The following PTCD3 variants were observed in gnomAD, a reference collection of about 807,000 sequenced individuals.
The protein encoded by PTCD3 is pentatricopeptide repeat domain 3.
PTCD3 carries 89 observed loss-of-function variants against 101.9 expected under a neutral mutation model. The observed-to-expected ratio is 0.87, with a 90% confidence interval of 0.74 to 1.04. The LOEUF (loss-of-function observed/expected upper bound fraction) is 1.04, where lower values mean the gene tolerates loss of function less well. Among genes scored for constraint, PTCD3 ranks in the 50% least tolerant of loss-of-function variants. The pLI, the probability that PTCD3 is intolerant of heterozygous loss-of-function variation, is 0.00. For synonymous variants in PTCD3, 296 were observed against 278.5 expected, an observed-to-expected ratio of 1.06 and a Z score of -0.63; for missense variants, 870 against 828.2, an observed-to-expected ratio of 1.05 and a Z score of -0.62.
intron 3 of PTCD3, among the ~76,000 whole-genome samples, chr2:86,109,165 G>C (rs1558792420): frequency 6.6e-6 from 1 of 152,182 alleles, no homozygotes; most frequent in Non-Finnish European, 1.5e-5. Context: ...CAGCACTTTG[G>C]GAGGCCGAGG....
At chr2:86,129,760 A>C (rs766530224) in intron 14 of PTCD3, among the ~76,000 whole-genome samples, 3 of 152,188 alleles carry the variant, frequency 2.0e-5, no homozygotes, top group Non-Finnish European at 4.4e-5. Flanking sequence ...TAGCAAAGGG[A>C]AGCATGCTTG....
intron 12 of PTCD3, among the ~76,000 whole-genome samples, chr2:86,126,714 G>A (rs142584433): frequency 2.0e-4 from 30 of 152,004 alleles, no homozygotes; most frequent in African/African-American, 6.8e-4. Flanking sequence ...GTGCTCGCCT[G>A]TAGTCGCAGC....
intron 21 of PTCD3, among the ~76,000 whole-genome samples, chr2:86,136,209 GT>G (rs796150122): frequency 1.3e-5 from 2 of 152,294 alleles, no homozygotes; most frequent in African/African-American, 4.8e-5. Context: ...AGTGTATGGG[GT>G]TTTAGATTTT....
In PTCD3 at chr2:86,141,185, G is replaced by A. The variant is rs749030501; in HGVS notation, c.*3626G>A. On this transcript the variant is annotated 3_prime_UTR_variant, in exon 24 of 24. Transcript: ENST00000254630. ...CTTCAACAAAACTAATAATAGACTA[G>A]TGAAACCTACTCCTCACATGGGTAA... 5 of 152,140 alleles carry A rather than the reference G, an allele frequency of 3.3e-5. No individual in the cohort carries two copies. Among genetic ancestry groups the A allele is most frequent in the Non-Finnish European group, 4.4e-5 (3 of 68,042 alleles). 9.4% of individuals were successfully genotyped at this position (152,140 alleles called of 1,614,324 possible).
At chr2:86,117,415 GTT>G (rs1048429479) in intron 6 of PTCD3, among the ~76,000 whole-genome samples, 1 of 150,076 alleles carries the variant, frequency 6.7e-6, no homozygotes, top group Non-Finnish European at 1.5e-5. Context: ...TATGACTGAA[GTT>G]TCCTTCACTA....
In PTCD3 at chr2:86,134,760, A is replaced by C. The variant is rs548942716; in HGVS notation, c.1630-79A>C. ...TGGTAAAATGCATTGCTCAGATTTT[A>C]AGGATCCTGTGTTAGTCTCCTGAAC... On this transcript the variant is annotated intron_variant, in intron 20 of 23. Coordinates refer to ENST00000254630, the MANE Select transcript of PTCD3 (RefSeq NM_017952.6). The C allele has an allele frequency of 2.1e-3, 3,186 of 1,488,598 alleles. 3 individuals carry two copies. The highest frequency in any genetic ancestry group is 2.7e-3 in the Non-Finnish European group (2,868 of 1,078,310). 92.2% of individuals were successfully genotyped at this position (1,488,598 alleles called of 1,614,324 possible). A position where few individuals can be genotyped will look rare whatever the true frequency, so the allele number is the denominator to read the frequency against.
intron 3 of PTCD3, 124 bp from the exon 4 acceptor site, chr2:86,110,989 C>G (rs765612632): frequency 2.2e-6 from 2 of 895,116 alleles, no homozygotes; most frequent in African/African-American, 3.3e-5. Context: ...GACCTTGTGA[C>G]ATAACCAGCT....
intron 16 of PTCD3, among the ~76,000 whole-genome samples, chr2:86,131,642 T>G (rs1674496467): frequency 6.6e-6 from 1 of 152,242 alleles, no homozygotes; most frequent in Non-Finnish European, 1.5e-5. Context: ...TAAGTTAAAA[T>G]TGATAATGGT....
At chr2:86,125,331 G>T in intron 10 of PTCD3, 124 bp from the exon 11 acceptor site, 1 of 1,147,478 alleles carries the variant, frequency 8.7e-7, no homozygotes, top group South Asian at 1.4e-5. Context: ...ACTAGAGTAT[G>T]AGCTTCATGA....
chr2:86,123,861 A>G, intron 9 of PTCD3, 99 bp downstream of exon 9: 4 of 819,108 alleles, frequency 4.9e-6, no homozygotes, highest in Non-Finnish European at 7.2e-6. Context: ...ATGTTCTAAA[A>G]TAATTGATTT....
chr2:86,126,749 A>G (rs1472652064), intron 12 of PTCD3, among the ~76,000 whole-genome samples: 1 of 151,888 alleles, frequency 6.6e-6, no homozygotes, highest in African/African-American at 2.4e-5. Flanking sequence ...AGGCAGGAGA[A>G]TCACCTCAGC....
intron 11 of PTCD3, 97 bp downstream of exon 11, chr2:86,125,612 T>A: frequency 1.5e-6 from 2 of 1,297,398 alleles, no homozygotes; most frequent in Non-Finnish European, 2.2e-6. Flanking sequence ...TGGCCTACAC[T>A]TTACCTTTTC....
intron 21 of PTCD3, chr2:86,135,840 G>A (rs754240569): frequency 1.8e-5 from 9 of 492,962 alleles, no homozygotes; most frequent in South Asian, 8.8e-5. Context: ...GGTTGTTAGC[G>A]CAGGCAGTTT....
Position 86,139,192 on chromosome 2 carries a change from C to G in PTCD3, c.*1633C>G, listed in dbSNP as rs138075448. On this transcript the variant is annotated 3_prime_UTR_variant, in exon 24 of 24. Transcript: ENST00000254630. The stretch of plus-strand genomic sequence containing the variant: ...TGCTTATTTTATCATAGTCTTTAGC[C>G]TCTACTATGAGTAAAATGTTCTCTT... 6.6e-6 allele frequency: 1 copy of G among 152,170 alleles called. No homozygotes were observed. The highest frequency in any genetic ancestry group is 2.4e-5 in the African/African-American group (1 of 41,432). The allele number at this position is 152,170 out of a possible 1,614,324, so 9.4% of individuals were successfully genotyped here. A position where few individuals can be genotyped will look rare whatever the true frequency, so the allele number is the denominator to read the frequency against.
intron 7 of PTCD3, among the ~76,000 whole-genome samples, chr2:86,120,273 A>G (rs912603003): frequency 4.6e-5 from 7 of 152,154 alleles, no homozygotes; most frequent in African/African-American, 1.4e-4. Flanking sequence ...TTCAGTAAAG[A>G]CAGGTGTCAG....
intron 1 of PTCD3, among the ~76,000 whole-genome samples, chr2:86,106,640 A>G (rs538529578): frequency 1.3e-5 from 2 of 152,352 alleles, no homozygotes; most frequent in South Asian, 4.1e-4. Flanking sequence ...GAGTGTGGCT[A>G]TTAGCAACAC....
Position 86,141,481 on chromosome 2 carries a change from C to T in PTCD3, c.*3922C>T, listed in dbSNP as rs1209345951. The T allele has an allele frequency of 6.6e-6, 1 of 152,178 alleles. No homozygotes were observed. Among genetic ancestry groups the T allele is most frequent in the East Asian group, 1.9e-4 (1 of 5,188 alleles). The allele number at this position is 152,178 out of a possible 1,614,324, so 9.4% of individuals were successfully genotyped here. A position where few individuals can be genotyped will look rare whatever the true frequency, so the allele number is the denominator to read the frequency against. On this transcript the variant is annotated 3_prime_UTR_variant, in exon 24 of 24. Coordinates refer to ENST00000254630, the MANE Select transcript of PTCD3 (RefSeq NM_017952.6). ...AACTGGTGGCACCACTCATTTGGGA[C>T]TTGGAGACTGCTTTTATCCAGAACC...
intron 5 of PTCD3, 61 bp from the exon 6 acceptor site, chr2:86,116,994 G>A (rs1372669564): frequency 5.4e-6 from 4 of 740,466 alleles, no homozygotes; most frequent in South Asian, 4.7e-5. Flanking sequence ...CTTGCTGAGA[G>A]TGTAACTATA....
At chr2:86,115,068 G>A (rs1674155423) in intron 4 of PTCD3, among the ~76,000 whole-genome samples, 1 of 152,182 alleles carries the variant, frequency 6.6e-6, no homozygotes, top group Non-Finnish European at 1.5e-5. Flanking sequence ...GGAAGCAGGT[G>A]TTTGGCACAA....
Sources: gnomAD v4.1 joint callset for allele counts (sites outside exome capture counted in the v4.1 genomes callset) on GRCh38, gnomAD v4.1.1 for gene constraint, MANE v1.5 for transcripts, NCBI Gene and HGNC (gene_info 2026-07-23, HGNC 2026-07-21) for gene names.